Variants in ARHGEF12 observed in about 807,000 individuals in gnomAD.
ARHGEF12 encodes Rho guanine nucleotide exchange factor 12, also known as KMT2A/ARHGEF12 fusion protein.
ARHGEF12 carries 66 observed loss-of-function variants against 211.2 expected under a neutral mutation model. That is an observed-to-expected ratio of 0.31 (90% CI 0.26 to 0.38). ARHGEF12 has a LOEUF of 0.38. Among genes scored for constraint, ARHGEF12 ranks in the 10% least tolerant of loss-of-function variants. The pLI is 1.00. For synonymous variants in ARHGEF12, 592 were observed against 638.4 expected (o/e 0.93, Z 1.09); for missense variants, 1,429 against 1,869.5 (o/e 0.76, Z 4.34).
chr11:120,470,728 A>G (rs1946843012), intron 30 of ARHGEF12, among the ~76,000 whole-genome samples: 1 of 152,226 alleles, frequency 6.6e-6, no homozygotes, highest in Non-Finnish European at 1.5e-5. Flanking sequence ...AGGGTTATGT[A>G]GCAATATTTA....
At chr11:120,380,270 T>C (rs530589225) in intron 1 of ARHGEF12, among the ~76,000 whole-genome samples, 106 of 152,348 alleles carry the variant, frequency 7.0e-4, no homozygotes, top group Admixed American at 6.3e-3. Context: ...TCCTGATTGC[T>C]GACATCTTAC....
rs1231688950 is a variant in ARHGEF12 at position 120,445,470 on chromosome 11, C to T, written c.1345+6C>T. Reference sequence around the variant, plus strand: ...TGAAATGTCTGCAGATCTAGGTAAGCTTGGAGCACTAACATCCTGGAGAAT... The same window carrying T: ...TGAAATGTCTGCAGATCTAGGTAAGTTTGGAGCACTAACATCCTGGAGAAT... On this transcript the variant is annotated splice_donor_region_variant and intron_variant, in intron 16 of 40. Transcript: ENST00000397843. 6.2e-7 allele frequency: 1 copy of T among 1,613,634 alleles called. No individual in the cohort carries two copies. Among genetic ancestry groups the T allele is most frequent in the East Asian group, 2.2e-5 (1 of 44,890 alleles).
At chr11:120,377,746 C>G (rs989270108) in intron 1 of ARHGEF12, among the ~76,000 whole-genome samples, 1 of 152,146 alleles carries the variant, frequency 6.6e-6, no homozygotes, top group African/African-American at 2.4e-5. Flanking sequence ...GTGAATAAGT[C>G]AGTTTCTTTA....
chr11:120,391,489 A>G (rs1003776559), intron 1 of ARHGEF12, among the ~76,000 whole-genome samples: 8 of 152,224 alleles, frequency 5.3e-5, no homozygotes, highest in Non-Finnish European at 1.2e-4. Flanking sequence ...CACATTGAGC[A>G]TAGCTGCTGG....
chr11:120,481,239 C>A, intron 38 of ARHGEF12, 21 bp from the exon 39 acceptor site: 1 of 1,605,560 alleles, frequency 6.2e-7, no homozygotes. Context: ...TCTTATCAAA[C>A]TATTCTGTCT....
At chr11:120,399,495 T>A (rs1460312159) in intron 1 of ARHGEF12, among the ~76,000 whole-genome samples, 1 of 152,098 alleles carries the variant, frequency 6.6e-6, no homozygotes, top group Non-Finnish European at 1.5e-5. Context: ...TGTTTAGCTG[T>A]CTGGCATATG....
intron 10 of ARHGEF12, 113 bp downstream of exon 10, chr11:120,429,944 C>A: frequency 1.7e-6 from 2 of 1,172,954 alleles, no homozygotes; most frequent in Non-Finnish European, 2.4e-6. Context: ...TAGCGTAGGA[C>A]AACAGGATGT....
At chr11:120,462,415 T>A (rs1946561622) in intron 27 of ARHGEF12, 1 of 152,140 alleles carries the variant, frequency 6.6e-6, no homozygotes, top group South Asian at 2.1e-4. Flanking sequence ...CAGATCACCG[T>A]AACAGAGTAA....
intron 2 of ARHGEF12, among the ~76,000 whole-genome samples, chr11:120,406,620 G>A (rs574965189): frequency 9.2e-5 from 14 of 152,070 alleles, no homozygotes; most frequent in South Asian, 2.1e-4. Flanking sequence ...GTGCAGTGGC[G>A]CGATCTCAGC....
chr11:120,429,906 G>A, intron 10 of ARHGEF12, 75 bp downstream of exon 10: 1 of 1,515,680 alleles, frequency 6.6e-7, no homozygotes, highest in Non-Finnish European at 8.9e-7. Context: ...AGAGAATGTT[G>A]CAGTTGCCTT....
rs371645645 is a variant in ARHGEF12, at chr11:120,474,556, C to A, written c.3034-4C>A. The A allele has an allele frequency of 6.2e-7, 1 of 1,606,958 alleles. No homozygotes were observed. Among genetic ancestry groups the A allele is most frequent in the South Asian group, 1.1e-5 (1 of 89,732 alleles). On this transcript the variant is annotated splice_polypyrimidine_tract_variant and splice_region_variant and intron_variant, in intron 31 of 40. Coordinates refer to ENST00000397843, the MANE Select transcript of ARHGEF12 (RefSeq NM_015313.3). The stretch of plus-strand genomic sequence containing the variant: ...TTTGTGCATGATTTTCTTTATTTTG[C>A]CAGAATTTGGATTTAACAAAAAGGA...
intron 1 of ARHGEF12, among the ~76,000 whole-genome samples, chr11:120,339,687 G>A (rs1426403713): frequency 6.6e-6 from 1 of 152,174 alleles, no homozygotes; most frequent in East Asian, 1.9e-4. Context: ...AATCAGACTA[G>A]CTGGTTTTGG....
chr11:120,378,432 G>C (rs76515802), intron 1 of ARHGEF12, among the ~76,000 whole-genome samples: 9 of 151,362 alleles, frequency 5.9e-5, no homozygotes, highest in African/African-American at 9.7e-5. Flanking sequence ...TTTGTGGCTT[G>C]TCCTTTTATT....
chr11:120,462,492 G>A (rs1946563371), intron 27 of ARHGEF12: 1 of 152,156 alleles, frequency 6.6e-6, no homozygotes, highest in South Asian at 2.1e-4. Flanking sequence ...ATGAGCACAT[G>A]GTTTTGGAAA....
intron 22 of ARHGEF12, among the ~76,000 whole-genome samples, chr11:120,452,901 C>G (rs1270378736): frequency 2.0e-5 from 3 of 151,968 alleles, no homozygotes; most frequent in Admixed American, 2.0e-4. Context: ...GAGGCTGAGG[C>G]AGGAGAATTG....
At chr11:120,429,673 T>G in intron 9 of ARHGEF12, 39 bp from the exon 10 acceptor site, 1 of 1,586,844 alleles carries the variant, frequency 6.3e-7, no homozygotes, top group Non-Finnish European at 8.6e-7. Flanking sequence ...CTTTTTTACA[T>G]AAGTAATTAA....
At chr11:120,456,160 A>G (rs1746642124) in intron 22 of ARHGEF12, among the ~76,000 whole-genome samples, 1 of 152,214 alleles carries the variant, frequency 6.6e-6, no homozygotes, top group Admixed American at 6.5e-5. Context: ...CCAGGCAAGC[A>G]TGGAGTAGTT....
At chr11:120,358,874 C>T (rs986099514) in intron 1 of ARHGEF12, among the ~76,000 whole-genome samples, 1 of 152,130 alleles carries the variant, frequency 6.6e-6, no homozygotes, top group Non-Finnish European at 1.5e-5. Context: ...GGTTGCAGTC[C>T]AGGTGTCTGC....
intron 29 of ARHGEF12, 63 bp downstream of exon 29, chr11:120,467,371 G>T: frequency 1.1e-6 from 1 of 890,090 alleles, no homozygotes; most frequent in Non-Finnish European, 1.8e-6. Flanking sequence ...CCAATATCCT[G>T]TAAATAATAT....
Sources: allele counts gnomAD v4.1 joint callset (sites outside exome capture counted in the v4.1 genomes callset), GRCh38; gene constraint gnomAD v4.1.1; transcripts MANE v1.5; gene names NCBI Gene and HGNC (gene_info 2026-07-23, HGNC 2026-07-21).